Variants in PTPRN2 observed in about 807,000 individuals in gnomAD.
PTPRN2 encodes the protein receptor-type tyrosine-protein phosphatase N2.
In PTPRN2, 74 loss-of-function variants were observed where a neutral mutation model predicts 118.8. That is an observed-to-expected ratio of 0.62 (90% confidence interval 0.52 to 0.76). The LOEUF is 0.76. PTPRN2 is among the 30% of genes least tolerant of loss of function. The pLI is 0.00. For synonymous variants in PTPRN2, 641 were observed against 608.0 expected (o/e 1.05, Z -0.80); for missense variants, 1,481 against 1,394.4 (o/e 1.06, Z -0.99).
rs1158584425 is a variant in PTPRN2 at position 158,267,326 on chromosome 7, G to A, written c.277+49493C>T. 3.3e-5 allele frequency among the ~76,000 whole-genome samples: 5 copies of A among 152,274 alleles called. No homozygotes were observed. The South Asian group carries it at 6.2e-4, about 19-fold the overall frequency. ...CTGGTTCCCGCGGGGAACCCCGGGG[G>A]CGTGGTGCTCACAGCAACCTTGTTA... On this transcript the variant is annotated intron_variant, in intron 3 of 22. Transcript: ENST00000389418.
At chr7:158,323,839 T>C (rs1255380628) in intron 2 of PTPRN2, among the ~76,000 whole-genome samples, 1 of 152,142 alleles carries the variant, frequency 6.6e-6, no homozygotes, top group East Asian at 1.9e-4. Context: ...CACACGTGTG[T>C]ACACGGTGCA....
intron 11 of PTPRN2, among the ~76,000 whole-genome samples, chr7:158,045,170 G>A (rs983163691): frequency 5.3e-5 from 8 of 152,130 alleles, no homozygotes; most frequent in Admixed American, 2.6e-4. Flanking sequence ...TATCTGACCC[G>A]GCTTTAAAGA....
At chr7:158,262,345 T>TCA (rs767643390) in intron 3 of PTPRN2, among the ~76,000 whole-genome samples, 1 of 108,044 alleles carries the variant, frequency 9.3e-6, no homozygotes. Flanking sequence ...GCACACATAT[T>TCA]CACACACACT....
chr7:158,070,369 G>A (rs1348191099), intron 11 of PTPRN2, among the ~76,000 whole-genome samples: 9 of 147,618 alleles, frequency 6.1e-5, no homozygotes, highest in Admixed American at 2.0e-4. Context: ...CCCTGGTGGT[G>A]GAGGTGCCCG....
chr7:158,323,873 GAACC>G (rs1409711734), intron 2 of PTPRN2, among the ~76,000 whole-genome samples: 1 of 151,976 alleles, frequency 6.6e-6, no homozygotes, highest in African/African-American at 2.4e-5. Flanking sequence ...ATACCTGCAT[GAACC>G]AACACACACA....
At chr7:158,330,395 A>C (rs372989334) in intron 2 of PTPRN2, among the ~76,000 whole-genome samples, 1 of 55,492 alleles carries the variant, frequency 1.8e-5, no homozygotes, top group East Asian at 5.4e-4. Context: ...TCACCATAAG[A>C]GCTGACACCT....
At chr7:157,938,972 C>A (rs141711747) in intron 11 of PTPRN2, among the ~76,000 whole-genome samples, 3 of 152,224 alleles carry the variant, frequency 2.0e-5, no homozygotes, top group African/African-American at 7.2e-5. Context: ...ACACGGGCTA[C>A]GAGCCCCTGC....
intron 12 of PTPRN2, among the ~76,000 whole-genome samples, chr7:157,804,441 G>A (rs1345259821): frequency 6.6e-6 from 1 of 152,196 alleles, no homozygotes; most frequent in East Asian, 1.9e-4. Context: ...TCCAGTGTCT[G>A]TGCACGGAGC....
chr7:158,389,354 T>C (rs888540629), intron 2 of PTPRN2, among the ~76,000 whole-genome samples: 10 of 152,252 alleles, frequency 6.6e-5, no homozygotes, highest in Non-Finnish European at 1.5e-4. Context: ...GACTGTGAAA[T>C]CCAATTACTT....
chr7:158,387,955 T>C (rs963238536), intron 2 of PTPRN2, among the ~76,000 whole-genome samples: 2 of 152,168 alleles, frequency 1.3e-5, no homozygotes, highest in African/African-American at 4.8e-5. Flanking sequence ...CACACACATA[T>C]ATCTCTATTT....
intron 12 of PTPRN2, among the ~76,000 whole-genome samples, chr7:157,727,627 G>A: frequency 6.6e-6 from 1 of 152,212 alleles, no homozygotes; most frequent in East Asian, 1.9e-4. Flanking sequence ...ACAACGTTGT[G>A]AACACATACA....
chr7:157,791,480 C>T (rs1585478315), intron 12 of PTPRN2, among the ~76,000 whole-genome samples: 2 of 152,286 alleles, frequency 1.3e-5, no homozygotes, highest in Non-Finnish European at 2.9e-5. Context: ...TGCCCGGGTC[C>T]CGCCTCCACA....
intron 11 of PTPRN2, among the ~76,000 whole-genome samples, chr7:158,075,796 C>G (rs912158149): frequency 4.6e-5 from 7 of 152,224 alleles, no homozygotes; most frequent in African/African-American, 1.7e-4. Flanking sequence ...GGCTGCGGAG[C>G]AGCAGGATGA....
At position 157,908,967 on chromosome 7, in the gene PTPRN2, A is replaced by C. The variant is rs533128866; in HGVS notation, c.1724-10230T>G. ...ATTACAGTTGAATCATTTCTGTCTA[A>C]AACACCCCAACTTTATGAAGATCGT... is the stretch of plus-strand genomic sequence containing the variant. On this transcript the variant is annotated intron_variant, in intron 11 of 22. Coordinates refer to ENST00000389418, the MANE Select transcript of PTPRN2 (RefSeq NM_002847.5). Among the ~76,000 whole-genome samples, 4 of 152,330 alleles carry C rather than the reference A, an allele frequency of 2.6e-5. No homozygotes were observed. In the East Asian group the frequency reaches 7.7e-4, roughly 29 times the overall value.
chr7:157,845,825 G>A lies in PTPRN2; in HGVS notation c.1788+52848C>T, dbSNP rs964911688. Among the ~76,000 whole-genome samples, 5 of 152,126 alleles carry A rather than the reference G, an allele frequency of 3.3e-5. No individual in the cohort carries two copies. The highest frequency in any genetic ancestry group is 6.5e-5 in the Admixed American group (1 of 15,272). Reference sequence around the variant, plus strand: ...GCAACGTGGGGCCATGGGGAGGGACGGAAGACAGAAGTGGATCCCGGCTCT... The same window carrying A: ...GCAACGTGGGGCCATGGGGAGGGACAGAAGACAGAAGTGGATCCCGGCTCT... On this transcript the variant is annotated intron_variant, in intron 12 of 22. Coordinates refer to ENST00000389418, the MANE Select transcript of PTPRN2 (RefSeq NM_002847.5). The surrounding 1 kb of genome is among the most constrained non-coding windows in gnomAD (Gnocchi z 4.5).
chr7:158,100,304 G>A (rs1378308132), intron 10 of PTPRN2, among the ~76,000 whole-genome samples: 1 of 151,288 alleles, frequency 6.6e-6, no homozygotes, highest in Non-Finnish European at 1.5e-5. Flanking sequence ...TCTACTCATT[G>A]ATTGATGGGC....
chr7:158,020,638 C>T (rs1392043197), intron 11 of PTPRN2, among the ~76,000 whole-genome samples: 1 of 152,200 alleles, frequency 6.6e-6, no homozygotes, highest in African/African-American at 2.4e-5. Flanking sequence ...GGGTAAAATG[C>T]ACCATGTGCT....
chr7:157,872,400 C>G (rs1811152522), intron 12 of PTPRN2, among the ~76,000 whole-genome samples: 1 of 145,726 alleles, frequency 6.9e-6, no homozygotes, highest in Admixed American at 6.7e-5. Flanking sequence ...GTCCTCCCCC[C>G]ACACACATAC....
At chr7:157,644,763 C>T (rs560987547) in intron 14 of PTPRN2, among the ~76,000 whole-genome samples, 5 of 151,702 alleles carry the variant, frequency 3.3e-5, no homozygotes, top group African/African-American at 1.2e-4. Context: ...CCATTGCACT[C>T]CAGCCTGGGC....
Sources: gnomAD v4.1 joint callset for allele counts (sites outside exome capture counted in the v4.1 genomes callset) on GRCh38, gnomAD v4.1.1 for gene constraint, Gnocchi (gnomAD v3.1) non-coding constraint, MANE v1.5 for transcripts, NCBI Gene and HGNC (gene_info 2026-07-23, HGNC 2026-07-21) for gene names.